GLS: variants seen among roughly 807,000 people sequenced by gnomAD.
The protein encoded by GLS is glutaminase, also known as glutaminase kidney isoform, mitochondrial.
In GLS, 36 loss-of-function variants were observed where a neutral mutation model predicts 86.7. That is an observed-to-expected ratio of 0.42 (90% CI 0.32 to 0.55). GLS has a LOEUF of 0.55. GLS is among the 20% of genes least tolerant of loss of function. GLS has a pLI of 0.17. For missense variants in GLS, 528 were observed against 833.4 expected (o/e 0.63, Z 4.51); for synonymous variants, 317 against 305.9 (o/e 1.04, Z -0.38).
At chr2:190,915,114 C>T (rs1337791659) in intron 7 of GLS, among the ~76,000 whole-genome samples, 1 of 151,540 alleles carries the variant, frequency 6.6e-6, no homozygotes, top group African/African-American at 2.4e-5. Flanking sequence ...CCTCAGCCTC[C>T]CGAGTAGCTG....
intron 5 of GLS, among the ~76,000 whole-genome samples, chr2:190,904,701 C>G (rs1689072401): frequency 6.6e-6 from 1 of 152,000 alleles, no homozygotes; most frequent in Admixed American, 6.6e-5. Context: ...TATAAGTAAT[C>G]TAGAGATGAT....
intron 13 of GLS, 143 bp from the exon 14 acceptor site, chr2:190,931,402 T>C (rs756309397): frequency 2.5e-6 from 1 of 398,422 alleles, no homozygotes; most frequent in African/African-American, 2.1e-5. Context: ...ATTTTAGTTC[T>C]CTTCTTGATG....
chr2:190,886,875 C>T (rs927717076), intron 1 of GLS, among the ~76,000 whole-genome samples: 3 of 150,992 alleles, frequency 2.0e-5, no homozygotes, highest in African/African-American at 4.9e-5. Flanking sequence ...GAGATCATGC[C>T]GCTGCACTCC....
chr2:190,927,739 A>G (rs965655495), intron 12 of GLS: 1 of 272,686 alleles, frequency 3.7e-6, no homozygotes, highest in Non-Finnish European at 6.9e-6. Context: ...AGGTTAGTAC[A>G]GTCTTTCTTT....
At chr2:190,886,019 A>C (rs1310992433) in intron 1 of GLS, among the ~76,000 whole-genome samples, 5 of 151,974 alleles carry the variant, frequency 3.3e-5, no homozygotes, top group African/African-American at 1.2e-4. Context: ...ACTTACAGGC[A>C]CGTGCCACCA....
chr2:190,952,987 G>A (rs1213174127), intron 14 of GLS, among the ~76,000 whole-genome samples: 7 of 152,290 alleles, frequency 4.6e-5, no homozygotes, highest in Non-Finnish European at 8.8e-5. Context: ...TTTAAACACA[G>A]CAGTGTCATA....
At chr2:190,881,703 G>T (rs1688199062) in intron 1 of GLS, 3 of 463,228 alleles carry the variant, frequency 6.5e-6, no homozygotes, top group Non-Finnish European at 1.1e-5. Flanking sequence ...CCCCGGCGGG[G>T]GTCGCCCTGG....
intron 3 of GLS, among the ~76,000 whole-genome samples, chr2:190,900,252 C>T (rs1383011225): frequency 6.6e-6 from 1 of 152,042 alleles, no homozygotes; most frequent in African/African-American, 2.4e-5. Flanking sequence ...TGAATGTTAC[C>T]AACTCTGATT....
intron 17 of GLS, among the ~76,000 whole-genome samples, chr2:190,958,390 A>AT (rs1174156925): frequency 6.6e-6 from 1 of 152,000 alleles, no homozygotes; most frequent in Non-Finnish European, 1.5e-5. Context: ...GGATTCATTG[A>AT]TTTTTTGAAA....
chr2:190,895,319 A>C lies in GLS; in HGVS notation c.483+71A>C, dbSNP rs758635335. ...AATAAATATATACAGTATTATTGAA[A>C]TATAGTCTTAAAGGTCGTCTGACAT... On this transcript the variant is annotated intron_variant, in intron 2 of 17. Coordinates refer to ENST00000320717, the MANE Select transcript of GLS (RefSeq NM_014905.5). This position sits in a 1 kb window ranked among gnomAD's most constrained non-coding sequence, Gnocchi z 4.2. 1.8e-5 allele frequency: 12 copies of C among 649,834 alleles called. No individual in the cohort carries two copies. Among genetic ancestry groups the C allele is most frequent in the African/African-American group, 1.5e-4 (8 of 54,616 alleles). The allele number at this position is 649,834 out of a possible 1,614,324, so 40.3% of individuals were successfully genotyped here. A position where few individuals can be genotyped will look rare whatever the true frequency, so the allele number is the denominator to read the frequency against.
At chr2:190,890,545 T>C (rs1028074584) in intron 1 of GLS, among the ~76,000 whole-genome samples, 2 of 152,244 alleles carry the variant, frequency 1.3e-5, no homozygotes, top group Non-Finnish European at 2.9e-5. Flanking sequence ...GTCAATTTGT[T>C]AGACTTAACA....
At position 190,924,408 on chromosome 2, in the gene GLS, A is replaced by G. The variant is rs904269510; in HGVS notation, c.1198-135A>G. On this transcript the variant is annotated intron_variant, in intron 10 of 17. Coordinates refer to ENST00000320717, the MANE Select transcript of GLS (RefSeq NM_014905.5). The surrounding 1 kb of genome is among the most constrained non-coding windows in gnomAD (Gnocchi z 5.2). ...TTTTGCTTTTTTATTTCATGTTTAT[A>G]CTCTTTTAGAAGTTACATGCTATTT... The G allele has an allele frequency of 3.0e-6, 2 of 664,186 alleles. No homozygotes were observed. Among genetic ancestry groups the G allele is most frequent in the African/African-American group, 3.7e-5 (2 of 54,368 alleles). The allele number at this position is 664,186 out of a possible 1,614,324, so 41.1% of individuals were successfully genotyped here.
chr2:190,889,636 C>CT (rs756435862), intron 1 of GLS, among the ~76,000 whole-genome samples: 24 of 152,112 alleles, frequency 1.6e-4, no homozygotes, highest in South Asian at 6.2e-4. Context: ...ATTGGAAAAA[C>CT]TAACAGAGTT....
rs929777601 is a variant in GLS, at chr2:190,914,470, A to C, written c.1038+4149A>C. ...ATGAAAGGTAGAGCATTTATTGTCA[A>C]CTGAAAATTGTTCTGTTACTTTATT... On this transcript the variant is annotated intron_variant, in intron 7 of 17. Transcript: ENST00000320717. This position sits in a 1 kb window ranked among gnomAD's most constrained non-coding sequence, Gnocchi z 4.4. 6.6e-6 allele frequency among the ~76,000 whole-genome samples: 1 copy of C among 151,798 alleles called. No individual in the cohort carries two copies. Among genetic ancestry groups the C allele is most frequent in the Non-Finnish European group, 1.5e-5 (1 of 67,946 alleles).
intron 3 of GLS, among the ~76,000 whole-genome samples, chr2:190,899,360 CAAT>C (rs1329182993): frequency 1.3e-5 from 2 of 151,892 alleles, no homozygotes; most frequent in Non-Finnish European, 2.9e-5. Context: ...ATGACTGAAA[CAAT>C]AGTCATTTCT....
rs757623924 is a variant in GLS at position 190,935,301 on chromosome 2, T to TTTTTG, written c.1650+3684_1650+3688dup. On this transcript the variant is annotated intron_variant, in intron 14 of 17. Transcript: ENST00000320717. The surrounding 1 kb of genome is among the most constrained non-coding windows in gnomAD (Gnocchi z 4.2). ...TTATTTTAAGCTGATTTTATTGTTT[T>TTTTTG]TTTTGTTTTGTTTTGTTTTGTTTTT... 3.4e-5 allele frequency: 17 copies of TTTTTG among 493,188 alleles called. No homozygotes were observed. Among genetic ancestry groups the TTTTTG allele is most frequent in the East Asian group, 3.0e-4 (2 of 6,624 alleles). 30.6% of individuals were successfully genotyped at this position (493,188 alleles called of 1,614,324 possible).
chr2:190,900,030 AAC>A (rs61636763), intron 3 of GLS, among the ~76,000 whole-genome samples: 68,889 of 151,844 alleles, frequency 0.45, 18,819 homozygotes, highest in Non-Finnish European at 0.62. Context: ...CAAGCATATC[AAC>A]AGACATTTCA....
At chr2:190,958,192 A>C (rs955888733) in intron 17 of GLS, among the ~76,000 whole-genome samples, 1 of 152,080 alleles carries the variant, frequency 6.6e-6, no homozygotes, top group South Asian at 2.1e-4. Flanking sequence ...GAATTTATCA[A>C]TTTCTTCTAG....
Position 190,961,706 on chromosome 2 carries a change from G to A in GLS, c.1854-1124G>A, listed in dbSNP as rs75171436. On this transcript the variant is annotated intron_variant, in intron 17 of 17. Coordinates refer to ENST00000320717, the MANE Select transcript of GLS (RefSeq NM_014905.5). ...ATTCAGCTGTTTTTTTTTTTTTTTT[G>A]ATAAATACAAAGATACATGTAAAGT... Among the ~76,000 whole-genome samples the A allele has an allele frequency of 9.5e-3, 488 of 51,540 alleles. 10 individuals are homozygous for A. The highest frequency in any genetic ancestry group is 0.032 in the African/African-American group (476 of 14,770). 33.8% of individuals were successfully genotyped at this position (51,540 alleles called of 152,430 possible).
Sources: gnomAD v4.1 joint callset for allele counts (sites outside exome capture counted in the v4.1 genomes callset) on GRCh38, gnomAD v4.1.1 for gene constraint, Gnocchi (gnomAD v3.1) non-coding constraint, MANE v1.5 for transcripts, NCBI Gene and HGNC (gene_info 2026-07-23, HGNC 2026-07-21) for gene names.